TLK1: variants seen among roughly 807,000 people sequenced by gnomAD.
The protein encoded by TLK1 is serine/threonine-protein kinase tousled-like 1.
Under a neutral mutation model 105.3 loss-of-function variants are expected in TLK1, and 24 were observed. That is an observed-to-expected ratio of 0.23 (90% CI 0.17 to 0.32). The LOEUF (loss-of-function observed/expected upper bound fraction) is 0.32, where lower values mean the gene tolerates loss of function less well. TLK1 is among the 10% of genes least tolerant of loss of function. The pLI is 1.00. For missense variants in TLK1, 558 were observed against 910.5 expected (o/e 0.61, Z 4.98); for synonymous variants, 321 against 310.4 (o/e 1.03, Z -0.36).
chr2:171,144,899 T>C lies in TLK1; in HGVS notation c.139+15391A>G, dbSNP rs561952084. Among the ~76,000 whole-genome samples, 8 of 151,972 alleles carry C rather than the reference T, an allele frequency of 5.3e-5. No individual in the cohort carries two copies. In the East Asian group the frequency reaches 1.4e-3, roughly 26 times the overall value. On this transcript the variant is annotated intron_variant, in intron 1 of 20. Transcript: ENST00000431350. The stretch of plus-strand genomic sequence containing the variant: ...TTAAAAGACAAACACAACAGACAAA[T>C]GAACAAAAGATTTGAACAAGCACTT...
intron 1 of TLK1, among the ~76,000 whole-genome samples, chr2:171,135,284 T>C (rs191667953): frequency 3.5e-4 from 53 of 151,392 alleles, no homozygotes; most frequent in Non-Finnish European, 7.2e-4. Flanking sequence ...TGTTTAATCA[T>C]TCCACATTAT....
chr2:171,228,798 GT>G (rs547475274), intron 1 of TLK1, among the ~76,000 whole-genome samples: 198 of 152,154 alleles, frequency 1.3e-3, no homozygotes, highest in Admixed American at 2.6e-3. Context: ...GTAGCATTTT[GT>G]ACTCTGGAGA....
chr2:171,095,765 A>G (rs897105042), intron 2 of TLK1, among the ~76,000 whole-genome samples: 2 of 152,154 alleles, frequency 1.3e-5, no homozygotes, highest in Non-Finnish European at 2.9e-5. Flanking sequence ...CAGAAAATGC[A>G]TCTGACAAAA....
chr2:171,150,914 C>T (rs978096398), intron 1 of TLK1, among the ~76,000 whole-genome samples: 4 of 152,198 alleles, frequency 2.6e-5, no homozygotes, highest in African/African-American at 7.2e-5. Context: ...AATTATAGTG[C>T]ATCCATTCAA....
At chr2:171,201,925 C>A (rs1175544605) in intron 1 of TLK1, among the ~76,000 whole-genome samples, 1 of 152,044 alleles carries the variant, frequency 6.6e-6, no homozygotes. Context: ...ATCTATCTAT[C>A]TATCTATCTA....
At chr2:171,213,660 T>G (rs1025654144) in intron 1 of TLK1, among the ~76,000 whole-genome samples, 1 of 150,696 alleles carries the variant, frequency 6.6e-6, no homozygotes, top group Non-Finnish European at 1.5e-5. Context: ...CATGATGGCA[T>G]GCACCTGTAG....
intron 11 of TLK1, among the ~76,000 whole-genome samples, chr2:171,042,091 T>A (rs1686704073): frequency 6.6e-6 from 1 of 152,182 alleles, no homozygotes; most frequent in Non-Finnish European, 1.5e-5. Flanking sequence ...TAGGTCAACA[T>A]ATGTAATAAA....
chr2:171,114,838 G>A (rs193095112), intron 2 of TLK1, among the ~76,000 whole-genome samples: 319 of 151,316 alleles, frequency 2.1e-3, no homozygotes, highest in Middle Eastern at 3.4e-3. Flanking sequence ...CTGTCTCAGA[G>A]GGAAAAAAAA....
intron 8 of TLK1, 96 bp from the exon 9 acceptor site, chr2:171,050,270 G>T: frequency 1.4e-6 from 1 of 723,928 alleles, no homozygotes; most frequent in Non-Finnish European, 2.1e-6. Context: ...ATACAGATAG[G>T]ACTAATAATA....
At chr2:171,068,138 C>A (rs149784113) in intron 3 of TLK1, among the ~76,000 whole-genome samples, 2,412 of 152,104 alleles carry the variant, frequency 0.016, 62 homozygotes, top group African/African-American at 0.052. Flanking sequence ...ACCAGCCTGG[C>A]CAACATGGCG....
intron 1 of TLK1, among the ~76,000 whole-genome samples, chr2:171,173,646 C>T (rs1193078825): frequency 6.6e-6 from 1 of 152,142 alleles, no homozygotes; most frequent in Non-Finnish European, 1.5e-5. Flanking sequence ...CCCCGCTCGG[C>T]TTCCCAAAGC....
chr2:171,195,274 C>G (rs979617796), intron 1 of TLK1, among the ~76,000 whole-genome samples: 1 of 151,980 alleles, frequency 6.6e-6, no homozygotes, highest in Non-Finnish European at 1.5e-5. Flanking sequence ...AAGGCGGAGG[C>G]GGGCGGATCA....
At chr2:171,230,646 G>C (rs773472468) in intron 1 of TLK1, among the ~76,000 whole-genome samples, 2 of 152,188 alleles carry the variant, frequency 1.3e-5, no homozygotes, top group Non-Finnish European at 2.9e-5. Context: ...TTGTTCAACA[G>C]CTGTACAATT....
chr2:171,013,248 A>G lies in TLK1; in HGVS notation c.1334+1603T>C, dbSNP rs568081200. On this transcript the variant is annotated intron_variant, in intron 13 of 20. Coordinates refer to ENST00000431350, the MANE Select transcript of TLK1 (RefSeq NM_012290.5). ...GGTTGGTCTCGAACTCCTAACCTCA[A>G]GAGATCCGCCCACCTCAGCCTCCCA... Among the ~76,000 whole-genome samples the G allele has an allele frequency of 1.9e-4, 29 of 151,206 alleles. No homozygotes were observed. In the East Asian group the frequency reaches 4.8e-3, roughly 25 times the overall value.
rs562158761 is a variant in TLK1, at chr2:171,012,485, A to T, written c.1335-1031T>A. Among the ~76,000 whole-genome samples, 60 of 152,116 alleles carry T rather than the reference A, an allele frequency of 3.9e-4. 1 individual carries two copies. The highest frequency in any genetic ancestry group is 1.0e-3 in the Admixed American group (16 of 15,274). On this transcript the variant is annotated intron_variant, in intron 13 of 20. Coordinates refer to ENST00000431350, the MANE Select transcript of TLK1 (RefSeq NM_012290.5). ...TAATACACTGTATTTTTATTTATTTATTTATTTTTTTATTTTTTGGAGACA... is the reference window on the plus strand; with the variant it reads ...TAATACACTGTATTTTTATTTATTTTTTTATTTTTTTATTTTTTGGAGACA...
chr2:171,185,546 C>T (rs1693011152), intron 1 of TLK1, among the ~76,000 whole-genome samples: 1 of 152,172 alleles, frequency 6.6e-6, no homozygotes, highest in Non-Finnish European at 1.5e-5. Flanking sequence ...TCCTTTGTAT[C>T]TTTGGATATG....
chr2:171,178,227 A>G (rs1267765252), intron 1 of TLK1, among the ~76,000 whole-genome samples: 1 of 152,000 alleles, frequency 6.6e-6, no homozygotes, highest in African/African-American at 2.4e-5. Flanking sequence ...AAGCAGTAAA[A>G]CTCAGGTTTA....
At position 171,117,836 on chromosome 2, in the gene TLK1, C is replaced by G. The variant is rs1455869159; in HGVS notation, c.161G>C (p.Ser54Thr). The G allele has an allele frequency of 5.4e-5, 87 of 1,612,934 alleles. No individual in the cohort carries two copies. Among genetic ancestry groups the G allele is most frequent in the Non-Finnish European group, 7.1e-5 (84 of 1,179,792 alleles). The change falls in exon 2 of 21, where the codon AGT becomes ACT. Residue 54 changes from serine to threonine, a missense_variant. By Grantham distance (58) the Ser-to-Thr change is moderately conservative. Transcript: ENST00000431350. The part of the protein sequence containing the change: ...PREGAMDELH[S>T]LDPRRQELLE... ...TAACTCTTGCCTTCTTGGATCCAGA[C>G]TATGAAGCTCATCCATTGCACCTAT...
intron 3 of TLK1, among the ~76,000 whole-genome samples, chr2:171,076,862 C>T (rs1341179028): frequency 2.0e-5 from 3 of 151,574 alleles, no homozygotes; most frequent in Admixed American, 1.3e-4. Flanking sequence ...TGCAGTGAGC[C>T]GAGATGGCGC....
Sources: gnomAD v4.1 joint callset for allele counts (sites outside exome capture counted in the v4.1 genomes callset) on GRCh38, gnomAD v4.1.1 for gene constraint, MANE v1.5 for transcripts, NCBI Gene and HGNC (gene_info 2026-07-23, HGNC 2026-07-21) for gene names.